LRRC56: variants seen among roughly 807,000 people sequenced by gnomAD.
LRRC56 encodes leucine rich repeat containing 56.
LRRC56 carries 41 observed loss-of-function variants against 47.8 expected under a neutral mutation model. The ratio of observed to expected loss-of-function variants is 0.86; its 90% CI spans 0.67 to 1.11. The LOEUF is 1.11. LRRC56 is among the 50% of genes most tolerant of loss of function. LRRC56 has a pLI of 0.00. For synonymous variants in LRRC56, 387 were observed against 311.2 expected (o/e 1.24, Z -2.56); for missense variants, 759 against 704.2 (o/e 1.08, Z -0.88).
intron 6 of LRRC56, 81 bp downstream of exon 6, chr11:544,861 C>G: frequency 1.6e-6 from 2 of 1,217,768 alleles, no homozygotes; most frequent in Non-Finnish European, 2.3e-6. Flanking sequence ...GGGGGGAGAA[C>G]TTGGTGGGAG....
the LRRC56 span, chr11:529,091 T>C: frequency 6.6e-6 from 1 of 152,174 alleles, no homozygotes; most frequent in Non-Finnish European, 1.5e-5. Context: ...ACTATGAAAA[T>C]GACTGTCTCG....
Position 549,634 on chromosome 11 carries a change from G to C in LRRC56, c.327-268G>C, listed in dbSNP as rs188896479. Among the ~76,000 whole-genome samples, 44 of 152,352 alleles carry C rather than the reference G, an allele frequency of 2.9e-4. No homozygotes were observed. In the East Asian group the frequency reaches 8.1e-3, roughly 28 times the overall value. On this transcript the variant is annotated intron_variant, in intron 6 of 13. Coordinates refer to ENST00000270115, the MANE Select transcript of LRRC56 (RefSeq NM_198075.4). ...TGCAGCCTGCCAGGGAGGGGACTGA[G>C]CCACCCACTATGAGGGCAGCGCCTT... is the stretch of plus-strand genomic sequence containing the variant.
chr11:553,827 G>C (rs964561003), intron 13 of LRRC56, 136 bp from the exon 14 acceptor site: 5 of 722,706 alleles, frequency 6.9e-6, no homozygotes, highest in Non-Finnish European at 1.2e-5. Flanking sequence ...TGGGGTGCAG[G>C]GGTGCTGCTG....
At chr11:509,858 C>A in the LRRC56 span, among the ~76,000 whole-genome samples, 2 of 151,790 alleles carry the variant, frequency 1.3e-5, no homozygotes, top group African/African-American at 2.4e-5. Context: ...TTTGAACTTA[C>A]CTGCCTCACC....
At chr11:552,755 C>T (rs1207393898) in intron 13 of LRRC56, 53 bp downstream of exon 13, 6 of 1,513,650 alleles carry the variant, frequency 4.0e-6, no homozygotes, top group South Asian at 1.2e-5. Flanking sequence ...CAACACCCCA[C>T]TTCTATAGGG....
the LRRC56 span, among the ~76,000 whole-genome samples, chr11:511,579 G>T: frequency 6.6e-6 from 1 of 152,180 alleles, no homozygotes; most frequent in African/African-American, 2.4e-5. Flanking sequence ...GGAAAACTTT[G>T]CCCCATAAGG....
intron 9 of LRRC56, 79 bp downstream of exon 9, chr11:551,381 G>A: frequency 1.0e-6 from 1 of 987,496 alleles, no homozygotes; most frequent in Non-Finnish European, 1.5e-6. Flanking sequence ...AGGCTTCTCA[G>A]AAACGGATAG....
At chr11:537,844 G>T (rs1000373235) in intron 1 of LRRC56, among the ~76,000 whole-genome samples, 1 of 152,332 alleles carries the variant, frequency 6.6e-6, no homozygotes, top group Middle Eastern at 3.4e-3. Context: ...CCCTGCCCCT[G>T]AGGGAGACTC....
chr11:546,436 T>C lies in LRRC56; in HGVS notation c.326+1656T>C, dbSNP rs4463813. The stretch of plus-strand genomic sequence containing the variant: ...ACAAAAAATTAGCCGGGCGTGGTGG[T>C]GGGCGCCTGTAGTCCCAGCTACTCG... On this transcript the variant is annotated intron_variant, in intron 6 of 13. Transcript: ENST00000270115. Among the ~76,000 whole-genome samples the C allele has an allele frequency of 9.2e-3, 1,392 of 151,362 alleles. 16 individuals are homozygous for C. Among genetic ancestry groups the C allele is most frequent in the African/African-American group, 0.032 (1,297 of 41,174 alleles).
rs571890589 is a variant in LRRC56 at position 543,898 on chromosome 11, G to A, written c.266-822G>A. Among the ~76,000 whole-genome samples, 5 of 152,264 alleles carry A rather than the reference G, an allele frequency of 3.3e-5. No individual in the cohort carries two copies. The East Asian group carries it at 7.7e-4, about 24-fold the overall frequency. On this transcript the variant is annotated intron_variant, in intron 5 of 13. Transcript: ENST00000270115. ...CGTGTAGCTGGGACTACAGGCGCCC[G>A]CCACCATACCCGGCTAATTTTTTGT...
At chr11:544,073 G>A (rs1375637714) in intron 5 of LRRC56, among the ~76,000 whole-genome samples, 2 of 152,230 alleles carry the variant, frequency 1.3e-5, no homozygotes, top group East Asian at 3.9e-4. Context: ...TCACAATGCA[G>A]GGATTCTGTC....
chr11:552,500 G>A (rs2134071228), intron 12 of LRRC56, 69 bp from the exon 13 acceptor site: 1 of 1,415,378 alleles, frequency 7.1e-7, no homozygotes, highest in East Asian at 2.4e-5. Context: ...AAGGCTCATG[G>A]ACCATCCCTA....
At chr11:515,020 CAGAA>C in the LRRC56 span, among the ~76,000 whole-genome samples, 3 of 152,234 alleles carry the variant, frequency 2.0e-5, no homozygotes, top group Non-Finnish European at 4.4e-5. Context: ...GGCCGTTTGA[CAGAA>C]AGACTTGAAA....
chr11:528,640 G>A, the LRRC56 span: 7 of 152,340 alleles, frequency 4.6e-5, no homozygotes, highest in East Asian at 1.9e-4. Context: ...TGGTGCCTCC[G>A]CGGGTGCTCT....
chr11:530,220 C>T, the LRRC56 span, among the ~76,000 whole-genome samples: 7 of 152,198 alleles, frequency 4.6e-5, no homozygotes, highest in African/African-American at 1.7e-4. Context: ...CCAGGCCCTG[C>T]CCAGCCCCGT....
the LRRC56 span, among the ~76,000 whole-genome samples, chr11:525,023 G>T: frequency 6.6e-6 from 1 of 150,852 alleles, no homozygotes; most frequent in Non-Finnish European, 1.5e-5. Flanking sequence ...TTGAACCCAG[G>T]AGGTGGAGGT....
chr11:527,339 A>G, the LRRC56 span, among the ~76,000 whole-genome samples: 5 of 152,138 alleles, frequency 3.3e-5, no homozygotes, highest in Non-Finnish European at 2.9e-5. Flanking sequence ...CACTGTGCTA[A>G]CCACGAGCAC....
chr11:550,338 C>T (rs546112715), intron 8 of LRRC56, 66 bp downstream of exon 8: 22 of 1,432,678 alleles, frequency 1.5e-5, no homozygotes, highest in East Asian at 1.5e-4. Flanking sequence ...GCTCCAGCCC[C>T]GGGGCCCCTC....
chr11:512,677 A>G, the LRRC56 span, among the ~76,000 whole-genome samples: 1 of 152,242 alleles, frequency 6.6e-6, no homozygotes, highest in Non-Finnish European at 1.5e-5. Flanking sequence ...TTTGAACTTT[A>G]TATAAATGGA....
Sources: gnomAD v4.1 joint callset for allele counts (sites outside exome capture counted in the v4.1 genomes callset) on GRCh38, gnomAD v4.1.1 for gene constraint, MANE v1.5 for transcripts, NCBI Gene and HGNC (gene_info 2026-07-23, HGNC 2026-07-21) for gene names.